The following MAP2K1 variants were observed in gnomAD, a reference collection of about 807,000 sequenced individuals.
MAP2K1 encodes the protein mitogen-activated protein kinase kinase 1, also known as dual specificity mitogen-activated protein kinase kinase 1.
A neutral mutation model predicts 46.3 loss-of-function variants in MAP2K1; 16 were observed. The observed-to-expected ratio is 0.35, with a 90% CI of 0.23 to 0.52. MAP2K1 has a LOEUF of 0.52. MAP2K1 is among the 20% of genes least tolerant of loss of function. The probability of loss-of-function intolerance (pLI) is 0.94; values close to 1 mark genes in which losing one functional copy is unlikely to be tolerated. For synonymous variants in MAP2K1, 183 were observed against 185.6 expected (o/e 0.99, Z 0.11); for missense variants, 263 against 497.1 (o/e 0.53, Z 4.48).
chr15:66,439,360 G>A (rs1467195236), intron 3 of MAP2K1, among the ~76,000 whole-genome samples: 1 of 152,208 alleles, frequency 6.6e-6, no homozygotes. Flanking sequence ...GGCTGGGCAT[G>A]GTGGCTTACA....
intron 1 of MAP2K1, among the ~76,000 whole-genome samples, chr15:66,400,088 T>G (rs2093377763): frequency 2.0e-5 from 3 of 152,204 alleles, no homozygotes. Flanking sequence ...TACAATTGAA[T>G]GTACAGCATT....
intron 5 of MAP2K1, among the ~76,000 whole-genome samples, chr15:66,478,091 A>G (rs1415323627): frequency 6.6e-6 from 1 of 151,562 alleles, no homozygotes; most frequent in Non-Finnish European, 1.5e-5. Flanking sequence ...GAAGTTCAGA[A>G]TCTCCCCATG....
rs1252003697 is a variant in MAP2K1 at position 66,420,759 on chromosome 15, G to GTGTATA, written c.81-14267_81-14266insGTATAT. On this transcript the variant is annotated intron_variant, in intron 1 of 10. Transcript: ENST00000307102. ...TGTGTGTGTGTGTGTGTGTGTGTGT[G>GTGTATA]TATGTGTGTATATATATGTGTATAT... is the stretch of plus-strand genomic sequence containing the variant. Among the ~76,000 whole-genome samples the GTGTATA allele has an allele frequency of 2.5e-3, 99 of 40,084 alleles. 16 individuals are homozygous for GTGTATA. The highest frequency in any genetic ancestry group is 3.2e-3 in the African/African-American group (33 of 10,412). 26.3% of individuals were successfully genotyped at this position (40,084 alleles called of 152,430 possible). A position where few individuals can be genotyped will look rare whatever the true frequency, so the allele number is the denominator to read the frequency against.
At chr15:66,421,231 G>A (rs2093442733) in intron 1 of MAP2K1, among the ~76,000 whole-genome samples, 2 of 151,886 alleles carry the variant, frequency 1.3e-5, no homozygotes, top group South Asian at 4.2e-4. Flanking sequence ...GACCTCCCGG[G>A]TTCAAGCGAT....
chr15:66,458,197 A>G (rs1457695105), intron 5 of MAP2K1, among the ~76,000 whole-genome samples: 15 of 152,304 alleles, frequency 9.8e-5, no homozygotes, highest in Non-Finnish European at 1.5e-5. Flanking sequence ...AGAGGGCGCT[A>G]GGATACTGCT....
chr15:66,446,491 C>G lies in MAP2K1; in HGVS notation c.568+1784C>G, dbSNP rs544935140. ...GTACAGCATCACTTGGATTCTGTTTCCAATAGCCATAGTAGGAAGAGTGCT... is the reference window on the plus strand; with the variant it reads ...GTACAGCATCACTTGGATTCTGTTTGCAATAGCCATAGTAGGAAGAGTGCT... On this transcript the variant is annotated intron_variant, in intron 5 of 10. Coordinates refer to ENST00000307102, the MANE Select transcript of MAP2K1 (RefSeq NM_002755.4). The G allele has an allele frequency of 6.8e-5, 12 of 175,480 alleles. No homozygotes were observed. The South Asian group carries it at 1.3e-3, about 19-fold the overall frequency. 10.9% of individuals were successfully genotyped at this position (175,480 alleles called of 1,614,324 possible).
At chr15:66,449,573 A>G (rs1332470750) in intron 5 of MAP2K1, among the ~76,000 whole-genome samples, 1 of 152,208 alleles carries the variant, frequency 6.6e-6, no homozygotes, top group African/African-American at 2.4e-5. Flanking sequence ...AATGCATGAA[A>G]GTATACACTT....
At chr15:66,420,388 G>A (rs937837450) in intron 1 of MAP2K1, among the ~76,000 whole-genome samples, 5 of 151,790 alleles carry the variant, frequency 3.3e-5, no homozygotes, top group Non-Finnish European at 5.9e-5. Context: ...GCAACATGGC[G>A]AAACCCAGTC....
At chr15:66,473,538 G>A (rs1439505785) in intron 5 of MAP2K1, among the ~76,000 whole-genome samples, 2 of 152,154 alleles carry the variant, frequency 1.3e-5, no homozygotes, top group Non-Finnish European at 2.9e-5. Flanking sequence ...AAAGAGTGCT[G>A]TCAGGGAATC....
chr15:66,449,003 CAA>C (rs59398424), intron 5 of MAP2K1, among the ~76,000 whole-genome samples: 141 of 47,936 alleles, frequency 2.9e-3, no homozygotes, highest in Non-Finnish European at 4.1e-3. Flanking sequence ...GACACTGTCT[CAA>C]AAAAAAAAAA....
chr15:66,487,409 C>T (rs1458047317), intron 8 of MAP2K1, 117 bp downstream of exon 8: 18 of 952,246 alleles, frequency 1.9e-5, no homozygotes, highest in South Asian at 3.9e-5. Flanking sequence ...GAGGCTGAGG[C>T]GGGTGGATCA....
chr15:66,424,791 CTTTTTTTT>C (rs58738231), intron 1 of MAP2K1, among the ~76,000 whole-genome samples: 1 of 82,120 alleles, frequency 1.2e-5, no homozygotes, highest in African/African-American at 4.7e-5. Flanking sequence ...CAATCTCAAT[CTTTTTTTT>C]TTTTTTTTTT....
chr15:66,454,983 T>C (rs28684377), intron 5 of MAP2K1, among the ~76,000 whole-genome samples: 42,115 of 152,038 alleles, frequency 0.28, 6,504 homozygotes, highest in South Asian at 0.37. Context: ...AAGGCTACTC[T>C]AGTTGGGAGG....
At chr15:66,438,526 A>G (rs1268880514) in intron 3 of MAP2K1, among the ~76,000 whole-genome samples, 1 of 152,192 alleles carries the variant, frequency 6.6e-6, no homozygotes, top group Non-Finnish European at 1.5e-5. Flanking sequence ...TGTTGATCAC[A>G]TCTCTTGTGC....
intron 4 of MAP2K1, among the ~76,000 whole-genome samples, chr15:66,443,992 C>T (rs971169629): frequency 6.6e-6 from 1 of 152,186 alleles, no homozygotes; most frequent in African/African-American, 2.4e-5. Context: ...CATCCCAGCA[C>T]TTTGGGAGGC....
chr15:66,427,386 C>T (rs140226077), intron 1 of MAP2K1, among the ~76,000 whole-genome samples: 2,327 of 151,604 alleles, frequency 0.015, 67 homozygotes, highest in Admixed American at 0.063. Context: ...AGTGAAACCC[C>T]GTCTTTACTA....
intron 1 of MAP2K1, among the ~76,000 whole-genome samples, chr15:66,409,631 A>G (rs539941963): frequency 2.0e-5 from 3 of 152,286 alleles, no homozygotes; most frequent in Non-Finnish European, 4.4e-5. Context: ...GCAATAACAC[A>G]ATTTTGGTAA....
intron 5 of MAP2K1, chr15:66,453,478 A>T (rs1892088391): frequency 1.4e-6 from 1 of 702,158 alleles, no homozygotes; most frequent in African/African-American, 1.7e-5. Flanking sequence ...CCCTGGAAGA[A>T]TGAACTGTAA....
intron 1 of MAP2K1, among the ~76,000 whole-genome samples, chr15:66,387,961 T>A (rs554586789): frequency 6.6e-6 from 1 of 152,336 alleles, no homozygotes; most frequent in East Asian, 1.9e-4. Flanking sequence ...CGTGTGGACT[T>A]CGTGGCTTTT....
Sources: allele counts gnomAD v4.1 joint callset (sites outside exome capture counted in the v4.1 genomes callset), GRCh38; gene constraint gnomAD v4.1.1; transcripts MANE v1.5; gene names NCBI Gene and HGNC (gene_info 2026-07-23, HGNC 2026-07-21).